Variants in NRG1 observed in about 807,000 individuals in gnomAD.
NRG1 encodes pro-neuregulin-1, membrane-bound isoform.
NRG1 carries 18 observed loss-of-function variants against 63.8 expected under a neutral mutation model. The observed-to-expected ratio is 0.28, with a 90% CI of 0.19 to 0.42. NRG1 has a LOEUF of 0.42. Among genes scored for constraint, NRG1 ranks in the 10% least tolerant of loss-of-function variants. NRG1 has a pLI of 1.00. For synonymous variants in NRG1, 302 were observed against 301.3 expected, an observed-to-expected ratio of 1.00 and a Z score of -0.02; for missense variants, 762 against 814.7, an observed-to-expected ratio of 0.94 and a Z score of 0.79.
chr8:32,447,745 T>A (rs890255503), intron 1 of NRG1, among the ~76,000 whole-genome samples: 1 of 151,390 alleles, frequency 6.6e-6, no homozygotes, highest in Non-Finnish European at 1.5e-5. Context: ...TGGCGGTGGC[T>A]CCCTGTAGTT....
intron 1 of NRG1, among the ~76,000 whole-genome samples, chr8:32,453,503 C>A (rs1821232244): frequency 6.6e-6 from 1 of 152,124 alleles, no homozygotes. Context: ...CGCAAATAAT[C>A]AACAGGAGAA....
At chr8:32,336,819 A>C (rs1192611797) in intron 1 of NRG1, among the ~76,000 whole-genome samples, 1 of 152,154 alleles carries the variant, frequency 6.6e-6, no homozygotes, top group Non-Finnish European at 1.5e-5. Flanking sequence ...CATGTTGGCC[A>C]GGCTGGTCTC....
intron 5 of NRG1, chr8:32,647,502 C>T (rs1853870065): frequency 1.0e-6 from 1 of 985,268 alleles, no homozygotes; most frequent in African/African-American, 1.7e-5. Context: ...GAAACAGCAG[C>T]TTAAAGAATT....
intron 1 of NRG1, among the ~76,000 whole-genome samples, chr8:32,181,193 G>A (rs1358838741): frequency 6.6e-6 from 1 of 152,128 alleles, no homozygotes; most frequent in African/African-American, 2.4e-5. Flanking sequence ...ACAGATGCTT[G>A]GGAGGATCTC....
intron 1 of NRG1, among the ~76,000 whole-genome samples, chr8:31,882,313 C>A (rs1830406496): frequency 8.2e-6 from 1 of 121,592 alleles, no homozygotes; most frequent in Non-Finnish European, 1.6e-5. Flanking sequence ...ACTGTTGAGA[C>A]TTACTGCTCA....
chr8:31,885,354 T>A (rs1448682687), intron 1 of NRG1, among the ~76,000 whole-genome samples: 1 of 152,102 alleles, frequency 6.6e-6, no homozygotes, highest in African/African-American at 2.4e-5. Context: ...ACAGTCAAGC[T>A]GTTTATAAAA....
rs193046243 is a variant in NRG1, at chr8:31,807,930, A to G, written c.37+168499A>G. Among the ~76,000 whole-genome samples the G allele has an allele frequency of 1.6e-3, 244 of 147,946 alleles. 2 individuals carry two copies. The highest frequency in any genetic ancestry group is 2.7e-3 in the South Asian group (12 of 4,440). On this transcript the variant is annotated intron_variant, in intron 1 of 10. Transcript: ENST00000519301. ...ATATTTCAGAATTTCCTTCTTTTTT[A>G]AGGCTCAAGAGTATTCGCGTGTGTG...
chr8:32,262,732 T>C (rs1391386323), intron 1 of NRG1, among the ~76,000 whole-genome samples: 1 of 152,228 alleles, frequency 6.6e-6, no homozygotes, highest in Non-Finnish European at 1.5e-5. Flanking sequence ...ACAGAGGAGA[T>C]TTCTTGTTAG....
At chr8:32,234,571 T>G (rs555894882) in intron 1 of NRG1, among the ~76,000 whole-genome samples, 1 of 152,306 alleles carries the variant, frequency 6.6e-6, no homozygotes, top group East Asian at 1.9e-4. Context: ...TTCTTCCCAT[T>G]TAATTGAACA....
chr8:32,444,576 A>G (rs10954844), intron 1 of NRG1, among the ~76,000 whole-genome samples: 1 of 152,282 alleles, frequency 6.6e-6, no homozygotes, highest in Non-Finnish European at 1.5e-5. Flanking sequence ...TCATTAAAGC[A>G]GTTGACTTGT....
chr8:31,747,138 A>T (rs976044588), intron 1 of NRG1, among the ~76,000 whole-genome samples: 4 of 151,942 alleles, frequency 2.6e-5, no homozygotes, highest in African/African-American at 9.7e-5. Context: ...ATAATAATTT[A>T]ATTGTACATT....
At chr8:32,177,360 G>A (rs1043889177) in intron 1 of NRG1, among the ~76,000 whole-genome samples, 18 of 151,698 alleles carry the variant, frequency 1.2e-4, no homozygotes, top group Non-Finnish European at 2.4e-4. Flanking sequence ...GATAGCATTA[G>A]GAGGTATACC....
chr8:32,025,053 A>G (rs895393489), intron 1 of NRG1, among the ~76,000 whole-genome samples: 2 of 152,192 alleles, frequency 1.3e-5, no homozygotes, highest in Admixed American at 1.3e-4. Context: ...GTTGGAGGAG[A>G]CAGATCTGTC....
chr8:32,609,333 G>A (rs1354473055), intron 3 of NRG1, among the ~76,000 whole-genome samples: 3 of 152,086 alleles, frequency 2.0e-5, no homozygotes, highest in African/African-American at 7.2e-5. Flanking sequence ...TGGGTTCTGA[G>A]CTCTCCGGGG....
At chr8:32,233,536 AATATATATAT>A (rs71541806) in intron 1 of NRG1, among the ~76,000 whole-genome samples, 7,387 of 88,066 alleles carry the variant, frequency 0.084, 367 homozygotes, top group African/African-American at 0.21. Flanking sequence ...AACTCGAAAG[AATATATATAT>A]ATATATATAT....
chr8:32,429,061 C>A (rs941121203), intron 1 of NRG1, among the ~76,000 whole-genome samples: 6 of 151,980 alleles, frequency 3.9e-5, no homozygotes, highest in African/African-American at 1.4e-4. Flanking sequence ...AAGGTATAGC[C>A]TTATGCAAGC....
intron 3 of NRG1, among the ~76,000 whole-genome samples, chr8:32,613,084 G>T (rs999864356): frequency 6.6e-6 from 1 of 151,968 alleles, no homozygotes; most frequent in African/African-American, 2.4e-5. Context: ...CTCGCCTGAT[G>T]CTTGAGAAAA....
rs576832561 is a variant in NRG1 at position 32,677,863 on chromosome 8, C to A, written c.503-50086C>A. The stretch of plus-strand genomic sequence containing the variant: ...TCGCACTTATAAAGTCAAGAGTAAG[C>A]ACATTTCTAACAAGGACCAAAACTT... On this transcript the variant is annotated intron_variant, in intron 5 of 11. Coordinates refer to ENST00000356819, the Ensembl canonical transcript of NRG1. 9.9e-5 allele frequency among the ~76,000 whole-genome samples: 15 copies of A among 152,200 alleles called. 1 individual carries two copies. The South Asian group carries it at 2.7e-3, about 27-fold the overall frequency.
intron 1 of NRG1, among the ~76,000 whole-genome samples, chr8:32,318,430 C>A (rs9886483): frequency 0.028 from 4,253 of 152,132 alleles, 211 homozygotes; most frequent in African/African-American, 0.096. Context: ...CCCCTTGGAG[C>A]CATTAAGTAC....
Sources: allele counts gnomAD v4.1 joint callset (sites outside exome capture counted in the v4.1 genomes callset), GRCh38; gene constraint gnomAD v4.1.1; transcripts MANE v1.5; gene names NCBI Gene and HGNC (gene_info 2026-07-23, HGNC 2026-07-21).